The following POFUT3 variants were observed in gnomAD, a reference collection of about 807,000 sequenced individuals.
POFUT3 encodes protein O-fucosyltransferase 3, also known as GDP-fucose protein O-fucosyltransferase 3.
the POFUT3 span, among the ~76,000 whole-genome samples, chr8:33,432,197 G>T: frequency 2.1e-4 from 32 of 152,094 alleles, no homozygotes; most frequent in South Asian, 4.2e-3. Flanking sequence ...ATCACATGAG[G>T]TCTGGAGTTC....
At chr8:33,337,448 G>A in the POFUT3 span, among the ~76,000 whole-genome samples, 1 of 152,100 alleles carries the variant, frequency 6.6e-6, no homozygotes, top group African/African-American at 2.4e-5. Flanking sequence ...AGTACCCTGG[G>A]TTTTCTTTTT....
At chr8:33,444,089 A>T in the POFUT3 span, among the ~76,000 whole-genome samples, 4 of 151,996 alleles carry the variant, frequency 2.6e-5, no homozygotes, top group Non-Finnish European at 5.9e-5. Context: ...ACAACTGATA[A>T]ACCAGTCACC....
the POFUT3 span, among the ~76,000 whole-genome samples, chr8:33,463,005 G>T: frequency 6.6e-6 from 1 of 151,812 alleles, no homozygotes; most frequent in Non-Finnish European, 1.5e-5. Flanking sequence ...GAACTTCAAT[G>T]TCCTGGGCAA....
At chr8:33,375,712 T>C in the POFUT3 span, among the ~76,000 whole-genome samples, 2 of 152,188 alleles carry the variant, frequency 1.3e-5, no homozygotes, top group Admixed American at 1.3e-4. Context: ...GTAAATGTGT[T>C]ACTTAGAAAC....
chr8:33,442,057 C>T, the POFUT3 span, among the ~76,000 whole-genome samples: 3 of 152,048 alleles, frequency 2.0e-5, no homozygotes, highest in African/African-American at 4.8e-5. Flanking sequence ...TCAAGCGATT[C>T]GCCTGCCTCA....
At chr8:33,395,340 A>G in the POFUT3 span, among the ~76,000 whole-genome samples, 1 of 152,260 alleles carries the variant, frequency 6.6e-6, no homozygotes, top group Admixed American at 6.5e-5. Context: ...AGAAAAGCAG[A>G]AGAGAAGGAG....
the POFUT3 span, among the ~76,000 whole-genome samples, chr8:33,380,230 C>CTA: frequency 6.8e-3 from 368 of 54,496 alleles, 6 homozygotes; most frequent in African/African-American, 0.018. Context: ...TATATATATA[C>CTA]TATATATATA....
the POFUT3 span, among the ~76,000 whole-genome samples, chr8:33,415,197 G>A: frequency 6.6e-6 from 1 of 152,152 alleles, no homozygotes; most frequent in South Asian, 2.1e-4. Flanking sequence ...AGGAGGCGGA[G>A]CTTGGAATGA....
At chr8:33,433,851 C>A in the POFUT3 span, among the ~76,000 whole-genome samples, 1 of 151,530 alleles carries the variant, frequency 6.6e-6, no homozygotes, top group Non-Finnish European at 1.5e-5. Context: ...ACCTGTGGTT[C>A]CAGGTACTTG....
chr8:33,329,834 A>C, the POFUT3 span, among the ~76,000 whole-genome samples: 5 of 152,246 alleles, frequency 3.3e-5, no homozygotes, highest in Non-Finnish European at 7.3e-5. Flanking sequence ...CTTTCTGTCC[A>C]AAGATTCACT....
the POFUT3 span, among the ~76,000 whole-genome samples, chr8:33,346,145 C>T: frequency 7.4e-6 from 1 of 136,004 alleles, no homozygotes; most frequent in Non-Finnish European, 1.6e-5. Flanking sequence ...AAATTATAGC[C>T]ACTGAGTGCA....
the POFUT3 span, among the ~76,000 whole-genome samples, chr8:33,400,696 A>G: frequency 1.3e-5 from 2 of 152,200 alleles, no homozygotes; most frequent in South Asian, 4.1e-4. Flanking sequence ...AGAAAAAAAT[A>G]TAAGTTAAAT....
the POFUT3 span, among the ~76,000 whole-genome samples, chr8:33,378,433 G>A: frequency 6.6e-6 from 1 of 152,066 alleles, no homozygotes; most frequent in Admixed American, 6.6e-5. Flanking sequence ...CACTGGGGAG[G>A]GGCATAAACT....
At chr8:33,418,511 T>TG in the POFUT3 span, among the ~76,000 whole-genome samples, 1 of 151,134 alleles carries the variant, frequency 6.6e-6, no homozygotes. Flanking sequence ...CCACGTTGGC[T>TG]GGGCTGGTCT....
the POFUT3 span, among the ~76,000 whole-genome samples, chr8:33,388,560 C>T: frequency 6.6e-6 from 1 of 151,970 alleles, no homozygotes; most frequent in African/African-American, 2.4e-5. Flanking sequence ...TGGTCTCGAA[C>T]CCCTGGGCTC....
chr8:33,374,530 G>C, the POFUT3 span, among the ~76,000 whole-genome samples: 1 of 152,196 alleles, frequency 6.6e-6, no homozygotes, highest in Admixed American at 6.5e-5. Context: ...AGCGCAGACA[G>C]AGGATGTTAC....
chr8:33,443,712 C>T, the POFUT3 span, among the ~76,000 whole-genome samples: 3 of 152,020 alleles, frequency 2.0e-5, no homozygotes, highest in East Asian at 1.9e-4. Flanking sequence ...CAGCTGGTCT[C>T]GAACTTCTGA....
At chr8:33,441,505 G>A in the POFUT3 span, among the ~76,000 whole-genome samples, 1 of 149,560 alleles carries the variant, frequency 6.7e-6, no homozygotes, top group South Asian at 2.1e-4. Flanking sequence ...CTCAGCCTCT[G>A]GAATAACCAG....
the POFUT3 span, among the ~76,000 whole-genome samples, chr8:33,365,268 T>G: frequency 6.6e-6 from 1 of 152,192 alleles, no homozygotes; most frequent in Non-Finnish European, 1.5e-5. Flanking sequence ...TCAAGATGGA[T>G]TGAAGACTTA....
Sources: allele counts gnomAD v4.1 joint callset (sites outside exome capture counted in the v4.1 genomes callset), GRCh38; gene constraint gnomAD v4.1.1; transcripts MANE v1.5; gene names NCBI Gene and HGNC (gene_info 2026-07-23, HGNC 2026-07-21).